PKNOX2: variants seen among roughly 807,000 people sequenced by gnomAD.
The protein encoded by PKNOX2 is homeobox protein PKNOX2.
Under a neutral mutation model 53.1 loss-of-function variants are expected in PKNOX2, and 14 were observed. The ratio of observed to expected loss-of-function variants is 0.26; its 90% CI spans 0.17 to 0.41. The LOEUF is 0.41. PKNOX2 is among the 10% of genes least tolerant of loss of function. PKNOX2 has a pLI of 1.00. For synonymous variants in PKNOX2, 257 were observed against 242.8 expected (o/e 1.06, Z -0.54); for missense variants, 496 against 602.8 (o/e 0.82, Z 1.85).
intron 1 of PKNOX2, among the ~76,000 whole-genome samples, chr11:125,194,299 T>C (rs1192884155): frequency 6.6e-6 from 1 of 152,174 alleles, no homozygotes. Flanking sequence ...CCGGCTCCCA[T>C]TGCGGCCTTT....
chr11:125,203,025 G>A (rs1591479616), intron 1 of PKNOX2, among the ~76,000 whole-genome samples: 1 of 152,092 alleles, frequency 6.6e-6, no homozygotes, highest in Non-Finnish European at 1.5e-5. Context: ...ATTCTTATTG[G>A]AATCTCTGGT....
At position 125,358,757 on chromosome 11, in the gene PKNOX2, C is replaced by T. The variant is rs187772289; in HGVS notation, c.87+7365C>T. 1.9e-4 allele frequency among the ~76,000 whole-genome samples: 29 copies of T among 152,348 alleles called. No homozygotes were observed. In the East Asian group the frequency reaches 4.4e-3, roughly 23 times the overall value. On this transcript the variant is annotated intron_variant, in intron 4 of 12. Coordinates refer to ENST00000298282, the MANE Select transcript of PKNOX2 (RefSeq NM_001382323.2). ...AATATTTTGAGGGGCCTTCTTTGGC[C>T]TCTCCCAGGATTTGGGATCCCTGAG...
chr11:125,179,900 C>T (rs190232033), intron 1 of PKNOX2, among the ~76,000 whole-genome samples: 8 of 152,282 alleles, frequency 5.3e-5, no homozygotes, highest in Non-Finnish European at 1.0e-4. Context: ...ATGTGAATGG[C>T]ATCAAATTCA....
At chr11:125,288,054 C>T (rs1207689857) in intron 2 of PKNOX2, 2 of 152,256 alleles carry the variant, frequency 1.3e-5, no homozygotes, top group East Asian at 1.9e-4. Context: ...AGCCCCTCCA[C>T]CTGGCCTCCA....
chr11:125,336,523 C>G (rs1030623478), intron 3 of PKNOX2, among the ~76,000 whole-genome samples: 3 of 148,302 alleles, frequency 2.0e-5, no homozygotes. Flanking sequence ...ATAATATATC[C>G]TATATATTAA....
intron 1 of PKNOX2, among the ~76,000 whole-genome samples, chr11:125,200,001 G>T (rs1938249668): frequency 6.6e-6 from 1 of 152,186 alleles, no homozygotes; most frequent in Non-Finnish European, 1.5e-5. Flanking sequence ...TGGCTCAGAA[G>T]CTTGGGCAGG....
At chr11:125,186,920 T>C (rs1956479983) in intron 1 of PKNOX2, among the ~76,000 whole-genome samples, 1 of 152,206 alleles carries the variant, frequency 6.6e-6, no homozygotes, top group African/African-American at 2.4e-5. Flanking sequence ...AACTTTATTC[T>C]TTTGCGTATG....
chr11:125,295,243 A>G (rs1947574864), intron 2 of PKNOX2, among the ~76,000 whole-genome samples: 1 of 152,254 alleles, frequency 6.6e-6, no homozygotes, highest in African/African-American at 2.4e-5. Flanking sequence ...ACAAGGTAGC[A>G]TGAAAAGTTG....
At chr11:125,343,954 G>A (rs556966173) in intron 3 of PKNOX2, among the ~76,000 whole-genome samples, 1 of 152,356 alleles carries the variant, frequency 6.6e-6, no homozygotes, top group Non-Finnish European at 1.5e-5. Context: ...AGGGCAGGAC[G>A]GTGGGGCTCC....
chr11:125,348,335 GGAGGCTTCTGTGCCT>G (rs1405189473), intron 3 of PKNOX2, among the ~76,000 whole-genome samples: 1 of 152,144 alleles, frequency 6.6e-6, no homozygotes, highest in Non-Finnish European at 1.5e-5. Context: ...TCAAGTTGCC[GGAGGCTTCTGTGCCT>G]GAGCAAGCAG....
At chr11:125,390,647 C>T (rs958934200) in intron 6 of PKNOX2, among the ~76,000 whole-genome samples, 6 of 152,132 alleles carry the variant, frequency 3.9e-5, no homozygotes, top group Non-Finnish European at 8.8e-5. Context: ...TGTTATTATC[C>T]CCATTTGACA....
At chr11:125,297,779 C>T (rs1158171432) in intron 2 of PKNOX2, among the ~76,000 whole-genome samples, 1 of 152,168 alleles carries the variant, frequency 6.6e-6, no homozygotes, top group South Asian at 2.1e-4. Context: ...AGTCTCTCTC[C>T]CCGCACACTA....
chr11:125,392,518 A>G (rs1331499809), intron 6 of PKNOX2, among the ~76,000 whole-genome samples: 3 of 152,184 alleles, frequency 2.0e-5, no homozygotes, highest in African/African-American at 7.2e-5. Flanking sequence ...TAAAAAAGTA[A>G]TCCTTCAGCT....
At chr11:125,259,900 A>G (rs1467589480) in intron 2 of PKNOX2, among the ~76,000 whole-genome samples, 2 of 150,268 alleles carry the variant, frequency 1.3e-5, no homozygotes, top group East Asian at 1.9e-4. Flanking sequence ...TTAAAGAGAC[A>G]GGGCCTTGCT....
At chr11:125,218,937 T>C (rs1365493541) in intron 1 of PKNOX2, among the ~76,000 whole-genome samples, 1 of 152,174 alleles carries the variant, frequency 6.6e-6, no homozygotes, top group African/African-American at 2.4e-5. Context: ...GGATCTTAGC[T>C]CTGTTTTCCA....
At chr11:125,192,018 G>A (rs1956906189) in intron 1 of PKNOX2, among the ~76,000 whole-genome samples, 1 of 152,124 alleles carries the variant, frequency 6.6e-6, no homozygotes, top group African/African-American at 2.4e-5. Flanking sequence ...TTTCTGTGAT[G>A]AAATATCGAC....
intron 2 of PKNOX2, among the ~76,000 whole-genome samples, chr11:125,308,308 C>T (rs545568887): frequency 7.2e-5 from 11 of 152,302 alleles, no homozygotes; most frequent in African/African-American, 2.4e-4. Flanking sequence ...CCAGCTGCCT[C>T]GGAGCTCAGG....
intron 7 of PKNOX2, among the ~76,000 whole-genome samples, chr11:125,404,211 C>G (rs1350890595): frequency 6.6e-6 from 1 of 152,370 alleles, no homozygotes; most frequent in Middle Eastern, 3.4e-3. Context: ...CTGCCTGTCA[C>G]AGGCATTAAA....
At position 125,183,310 on chromosome 11, in the gene PKNOX2, G is replaced by A. The variant is rs1188829788; in HGVS notation, c.-201+18534G>A. On this transcript the variant is annotated intron_variant, in intron 1 of 12. Transcript: ENST00000298282. ...CGGCTCACTGCAAGCTCCGCTTCCC[G>A]GGTTCACGCCATTCTCCTGCCTCAG... Among the ~76,000 whole-genome samples the A allele has an allele frequency of 1.8e-5, 2 of 110,202 alleles. 1 individual carries two copies. Among genetic ancestry groups the A allele is most frequent in the Admixed American group, 1.7e-4 (2 of 11,482 alleles). 72.3% of individuals were successfully genotyped at this position (110,202 alleles called of 152,430 possible).
Sources: gnomAD v4.1 joint callset for allele counts (sites outside exome capture counted in the v4.1 genomes callset) on GRCh38, gnomAD v4.1.1 for gene constraint, MANE v1.5 for transcripts, NCBI Gene and HGNC (gene_info 2026-07-23, HGNC 2026-07-21) for gene names.